MOBP: variants seen among roughly 807,000 people sequenced by gnomAD.
MOBP encodes myelin associated oligodendrocyte basic protein.
Under a neutral mutation model 15.0 loss-of-function variants are expected in MOBP, and 5 were observed. The observed-to-expected ratio is 0.33, with a 90% CI of 0.17 to 0.70. The LOEUF is 0.70. MOBP is among the 30% of genes least tolerant of loss of function. The pLI, the probability that MOBP is intolerant of heterozygous loss-of-function variation, is 0.67. For synonymous variants in MOBP, 88 were observed against 99.0 expected, an observed-to-expected ratio of 0.89 and a Z score of 0.66; for missense variants, 188 against 257.8, an observed-to-expected ratio of 0.73 and a Z score of 1.85.
chr3:39,493,036 C>T (rs1224195783), intron 2 of MOBP, among the ~76,000 whole-genome samples: 1 of 152,202 alleles, frequency 6.6e-6, no homozygotes, highest in Non-Finnish European at 1.5e-5. Context: ...TGTCAACTTA[C>T]CACTTGCATT....
chr3:39,472,500 A>C (rs1034547059), intron 1 of MOBP, among the ~76,000 whole-genome samples: 1 of 152,238 alleles, frequency 6.6e-6, no homozygotes, highest in African/African-American at 2.4e-5. Flanking sequence ...TGACTGTTTC[A>C]TCTGGGCCGT....
intron 1 of MOBP, among the ~76,000 whole-genome samples, chr3:39,469,854 A>G (rs1379437085): frequency 2.0e-5 from 3 of 152,242 alleles, no homozygotes; most frequent in Admixed American, 6.5e-5. Context: ...TTAAAAATCT[A>G]GAGCTTTTAC....
At chr3:39,498,898 C>T (rs2042928424) in intron 2 of MOBP, among the ~76,000 whole-genome samples, 1 of 152,108 alleles carries the variant, frequency 6.6e-6, no homozygotes, top group Non-Finnish European at 1.5e-5. Context: ...GTGACCCAGG[C>T]ATTACATCAG....
intron 2 of MOBP, among the ~76,000 whole-genome samples, chr3:39,501,377 A>G (rs2042967389): frequency 6.6e-6 from 1 of 152,178 alleles, no homozygotes; most frequent in Admixed American, 6.5e-5. Flanking sequence ...AGGTAGGACT[A>G]TTTCTGCATC....
chr3:39,515,502 A>G (rs553087790), exon 5 of MOBP: 21 of 152,344 alleles, frequency 1.4e-4, no homozygotes, highest in African/African-American at 4.8e-4. Context: ...GCCCTAGCCC[A>G]CAGGGGACAA....
chr3:39,498,417 C>T (rs2042917419), intron 2 of MOBP, among the ~76,000 whole-genome samples: 1 of 152,146 alleles, frequency 6.6e-6, no homozygotes. Flanking sequence ...GTGGCGCGAC[C>T]TCAGCTCGCT....
In MOBP at chr3:39,468,792, G is replaced by T. The variant is rs1478396868; in HGVS notation, c.-89+1052G>T. Among the ~76,000 whole-genome samples, 2 of 46,036 alleles carry T rather than the reference G, an allele frequency of 4.3e-5. 1 individual carries two copies. The highest frequency in any genetic ancestry group is 8.2e-5 in the Non-Finnish European group (2 of 24,316). The allele number at this position is 46,036 out of a possible 152,430, so 30.2% of individuals were successfully genotyped here. A position where few individuals can be genotyped will look rare whatever the true frequency, so the allele number is the denominator to read the frequency against. Reference sequence around the variant, plus strand: ...TGTATATATACATATATACATGTGTGTGTATATATACATATGTGTGTGTAT... The same window carrying T: ...TGTATATATACATATATACATGTGTTTGTATATATACATATGTGTGTGTAT... On this transcript the variant is annotated intron_variant, in intron 1 of 3. Coordinates refer to ENST00000684792, the MANE Select transcript of MOBP (RefSeq NM_001393704.1).
At chr3:39,500,896 A>G (rs1173790211) in intron 2 of MOBP, among the ~76,000 whole-genome samples, 1 of 152,224 alleles carries the variant, frequency 6.6e-6, no homozygotes, top group Non-Finnish European at 1.5e-5. Context: ...TTGCATGATA[A>G]AATCAAGTGA....
At chr3:39,486,710 G>T (rs1447602839) in intron 2 of MOBP, among the ~76,000 whole-genome samples, 1 of 152,084 alleles carries the variant, frequency 6.6e-6, no homozygotes, top group Non-Finnish European at 1.5e-5. Context: ...GAGTTTGAAT[G>T]TATTTTTATA....
intron 1 of MOBP, among the ~76,000 whole-genome samples, chr3:39,472,520 T>C (rs918285556): frequency 4.6e-5 from 7 of 152,200 alleles, no homozygotes; most frequent in African/African-American, 1.7e-4. Context: ...TAAAAGTCAC[T>C]CTGTAGTTTG....
downstream of MOBP, chr3:39,528,076 G>A (rs1002156263): frequency 6.6e-6 from 1 of 152,122 alleles, no homozygotes; most frequent in Non-Finnish European, 1.5e-5. Context: ...ATGAAAACAA[G>A]AAAAATTAGT....
intron 2 of MOBP, among the ~76,000 whole-genome samples, chr3:39,492,484 G>T (rs982399744): frequency 1.3e-5 from 2 of 152,128 alleles, no homozygotes; most frequent in Non-Finnish European, 2.9e-5. Flanking sequence ...TTAGAGTTTT[G>T]GTTGCTCTCT....
At chr3:39,467,883 AG>A (rs1439119697) in intron 1 of MOBP, 143 bp downstream of exon 1, 3 of 152,234 alleles carry the variant, frequency 2.0e-5, no homozygotes, top group Non-Finnish European at 4.4e-5. Flanking sequence ...AGGACATACA[AG>A]GATGGAGAAA....
In MOBP at chr3:39,472,800, C is replaced by G. The variant is rs1559413575; in HGVS notation, c.-89+5060C>G. Among the ~76,000 whole-genome samples the G allele has an allele frequency of 2.0e-5, 3 of 152,194 alleles. 1 individual carries two copies. The South Asian group carries it at 6.2e-4, about 32-fold the overall frequency. ...AATTAACCAAGCGTGGTGGTGCGTG[C>G]CTACAGTTCCAGCTACTTAGGAGGC... On this transcript the variant is annotated intron_variant, in intron 1 of 3. Coordinates refer to ENST00000684792, the MANE Select transcript of MOBP (RefSeq NM_001393704.1).
rs1559412337 is a variant in MOBP at position 39,469,205 on chromosome 3, CATGTGTGTGTATATACATATATACAT to C, written c.-89+1481_-89+1506del. ...GTGTGTGTGTGTATATACATATATA[CATGTGTGTGTATATACATATATACAT>C]ATGTGTGTGTATATATACATATATG... On this transcript the variant is annotated intron_variant, in intron 1 of 3. Transcript: ENST00000684792. Among the ~76,000 whole-genome samples, 15 of 60,032 alleles carry C rather than the reference CATGTGTGTGTATATACATATATACAT, an allele frequency of 2.5e-4. 1 individual carries two copies. Among genetic ancestry groups the C allele is most frequent in the African/African-American group, 3.2e-4 (2 of 6,224 alleles). 39.4% of individuals were successfully genotyped at this position (60,032 alleles called of 152,430 possible).
downstream of MOBP, chr3:39,525,882 G>T (rs1359904081): frequency 2.0e-5 from 3 of 152,258 alleles, no homozygotes; most frequent in African/African-American, 7.2e-5. Context: ...ATAAAGGCAG[G>T]GAAATTTGAC....
At chr3:39,483,105 T>C (rs1248941494) in intron 2 of MOBP, among the ~76,000 whole-genome samples, 2 of 152,236 alleles carry the variant, frequency 1.3e-5, no homozygotes, top group Admixed American at 1.3e-4. Flanking sequence ...GTTTAATGTG[T>C]GTCCTCCTTG....
At chr3:39,500,708 A>G (rs376844483) in intron 2 of MOBP, among the ~76,000 whole-genome samples, 2 of 152,196 alleles carry the variant, frequency 1.3e-5, no homozygotes, top group East Asian at 3.8e-4. Flanking sequence ...AACTTTACCT[A>G]TACAAAAGAG....
At chr3:39,515,611 T>G (rs575187185) in exon 5 of MOBP, 1 of 152,350 alleles carries the variant, frequency 6.6e-6, no homozygotes, top group African/African-American at 2.4e-5. Context: ...TTCTATTTTT[T>G]CTTTTTGTGC....
Sources: gnomAD v4.1 joint callset for allele counts (sites outside exome capture counted in the v4.1 genomes callset) on GRCh38, gnomAD v4.1.1 for gene constraint, MANE v1.5 for transcripts, NCBI Gene and HGNC (gene_info 2026-07-23, HGNC 2026-07-21) for gene names.